The following ANAPC10 variants were observed in gnomAD, a reference collection of about 807,000 sequenced individuals.
ANAPC10 encodes anaphase-promoting complex subunit 10.
A neutral mutation model predicts 22.0 loss-of-function variants in ANAPC10; 12 were observed. That is an observed-to-expected ratio of 0.55 (90% CI 0.35 to 0.88). ANAPC10 has a LOEUF of 0.88. ANAPC10 is among the 40% of genes least tolerant of loss of function. The pLI is 0.01. For missense variants in ANAPC10, 188 were observed against 220.9 expected (o/e 0.85, Z 0.94); for synonymous variants, 65 against 69.5 (o/e 0.94, Z 0.32).
chr4:145,028,868 T>G (rs181176888), intron 4 of ANAPC10, among the ~76,000 whole-genome samples: 19 of 152,292 alleles, frequency 1.2e-4, no homozygotes, highest in Non-Finnish European at 2.5e-4. Context: ...AAGAAAATGA[T>G]GAACTCAGGG....
At chr4:145,052,047 C>T (rs1049820177) in intron 4 of ANAPC10, among the ~76,000 whole-genome samples, 21 of 152,114 alleles carry the variant, frequency 1.4e-4, no homozygotes, top group African/African-American at 4.8e-4. Flanking sequence ...CATTTATACA[C>T]GGAATCTAAA....
chr4:145,057,162 T>C (rs908892712), intron 4 of ANAPC10, among the ~76,000 whole-genome samples: 7 of 152,170 alleles, frequency 4.6e-5, no homozygotes. Flanking sequence ...TTGGCACAAA[T>C]ATTATAATAA....
chr4:145,096,080 G>A lies in ANAPC10; in HGVS notation c.20C>T (p.Thr7Ile). 1 of 1,614,130 alleles carries A rather than the reference G, an allele frequency of 6.2e-7. No individual in the cohort carries two copies. Among genetic ancestry groups the A allele is most frequent in the Non-Finnish European group, 8.5e-7 (1 of 1,180,000 alleles). Residue 7 changes from threonine to isoleucine, a missense_variant, in exon 2 of 5, where the codon ACA becomes ATA. Transcript: ENST00000507656. MTTPNK[T>I]PPGADPKQLE... ...CTGCTTGGGGTCAGCACCAGGAGGT[G>A]TCTTGTTTGGTGTAGTCATTTTTAA...
In ANAPC10 at chr4:145,029,805, T is replaced by G. The variant is rs571798646; in HGVS notation, c.328-34202A>C. Among the ~76,000 whole-genome samples the G allele has an allele frequency of 3.3e-5, 5 of 152,208 alleles. No individual in the cohort carries two copies. The East Asian group carries it at 9.7e-4, about 29-fold the overall frequency. On this transcript the variant is annotated intron_variant, in intron 4 of 4. Transcript: ENST00000507656. Reference sequence around the variant, plus strand: ...GGTAGTGGATTAGTCACTTTAGACCTACTCATCCCAGCTGGGAGGGTCCAG... The same window carrying G: ...GGTAGTGGATTAGTCACTTTAGACCGACTCATCCCAGCTGGGAGGGTCCAG...
At position 145,085,664 on chromosome 4, in the gene ANAPC10, T is replaced by C. The variant is rs181366280; in HGVS notation, c.116-3914A>G. Reference sequence around the variant, plus strand: ...CTAATTTATTGCTTAGAAAGTATCATAGTACAACTAAGCAGGTCTAATATC... The same window carrying C: ...CTAATTTATTGCTTAGAAAGTATCACAGTACAACTAAGCAGGTCTAATATC... On this transcript the variant is annotated intron_variant, in intron 2 of 4. Transcript: ENST00000507656. Among the ~76,000 whole-genome samples, 14 of 152,314 alleles carry C rather than the reference T, an allele frequency of 9.2e-5. No individual in the cohort carries two copies. The East Asian group carries it at 2.5e-3, about 27-fold the overall frequency.
chr4:145,076,628 T>G (rs1469308307), intron 3 of ANAPC10, among the ~76,000 whole-genome samples: 7 of 152,148 alleles, frequency 4.6e-5, no homozygotes, highest in Admixed American at 4.6e-4. Flanking sequence ...CATTTGGAAT[T>G]CAGAATTCAG....
chr4:145,046,737 C>T lies in ANAPC10; in HGVS notation c.327+17835G>A, dbSNP rs116688627. On this transcript the variant is annotated intron_variant, in intron 4 of 4. Transcript: ENST00000507656. The stretch of plus-strand genomic sequence containing the variant: ...CCAAATAACCTACATAGGTTGTTCT[C>T]TCTGTCCAGTTGCAACAGAGAAAAC... 3.3e-5 allele frequency among the ~76,000 whole-genome samples: 5 copies of T among 152,180 alleles called. No homozygotes were observed. In the South Asian group the frequency reaches 1.0e-3, roughly 32 times the overall value.
rs186432301 is a variant in ANAPC10 at position 144,998,994 on chromosome 4, G to A, written c.328-3391C>T. ...CAGAGAATACTATAAACACCTCTAC[G>A]CAAATAAACTAGAAAATCTACAAGA... is the stretch of plus-strand genomic sequence containing the variant. On this transcript the variant is annotated intron_variant, in intron 4 of 4. Transcript: ENST00000507656. 4.1e-4 allele frequency among the ~76,000 whole-genome samples: 63 copies of A among 152,038 alleles called. No individual in the cohort carries two copies. In the East Asian group the frequency reaches 8.7e-3, roughly 21 times the overall value.
At chr4:145,003,044 A>C (rs1732813468) in intron 4 of ANAPC10, among the ~76,000 whole-genome samples, 1 of 151,980 alleles carries the variant, frequency 6.6e-6, no homozygotes, top group Admixed American at 6.6e-5. Flanking sequence ...AGTCCCAGCC[A>C]CTATTGTTCC....
At chr4:145,011,273 G>T (rs1181040786) in intron 4 of ANAPC10, among the ~76,000 whole-genome samples, 1 of 151,434 alleles carries the variant, frequency 6.6e-6, no homozygotes, top group Non-Finnish European at 1.5e-5. Context: ...GGAGGCGGAG[G>T]TTGCAGTAAG....
chr4:145,049,219 G>A (rs1234493780), intron 4 of ANAPC10, among the ~76,000 whole-genome samples: 3 of 152,112 alleles, frequency 2.0e-5, no homozygotes, highest in Non-Finnish European at 2.9e-5. Flanking sequence ...TAATGATGAC[G>A]GCTACTGACA....
chr4:145,093,755 G>A (rs1403599197), intron 2 of ANAPC10, among the ~76,000 whole-genome samples: 1 of 151,864 alleles, frequency 6.6e-6, no homozygotes, highest in African/African-American at 2.4e-5. Flanking sequence ...CAGCAGATTT[G>A]AAGACAGGCC....
chr4:145,053,019 C>T (rs1741366776), intron 4 of ANAPC10, among the ~76,000 whole-genome samples: 1 of 151,958 alleles, frequency 6.6e-6, no homozygotes, highest in South Asian at 2.1e-4. Context: ...ATTATTTTAG[C>T]TAAGTGTGCC....
At chr4:145,032,371 G>A (rs1396963295) in intron 4 of ANAPC10, among the ~76,000 whole-genome samples, 26 of 152,224 alleles carry the variant, frequency 1.7e-4, no homozygotes, top group Non-Finnish European at 4.4e-5. Context: ...GGATCGGCTG[G>A]ATGGTCAGGG....
chr4:144,996,405 C>T (rs2056279), intron 4 of ANAPC10, among the ~76,000 whole-genome samples: 68,929 of 151,924 alleles, frequency 0.45, 15,853 homozygotes, highest in Middle Eastern at 0.5. Flanking sequence ...TCTAGAGACA[C>T]GGCTGCTGCT....
intron 1 of ANAPC10, chr4:145,097,226 A>G (rs554855090): frequency 1.6e-4 from 51 of 327,370 alleles, no homozygotes; most frequent in Admixed American, 5.1e-4. Flanking sequence ...TAAGAAAAAA[A>G]TGTTAAAAGT....
At chr4:145,059,385 C>T (rs1403275533) in intron 4 of ANAPC10, among the ~76,000 whole-genome samples, 1 of 152,086 alleles carries the variant, frequency 6.6e-6, no homozygotes, top group Non-Finnish European at 1.5e-5. Context: ...AACATTACAG[C>T]TCTCTCTAAC....
chr4:145,001,527 G>A (rs747606011), intron 4 of ANAPC10, among the ~76,000 whole-genome samples: 4 of 152,118 alleles, frequency 2.6e-5, no homozygotes, highest in African/African-American at 9.7e-5. Context: ...GAGTTTTGAC[G>A]ATGTATAGTT....
At chr4:144,996,331 G>C (rs1184750243) in intron 4 of ANAPC10, among the ~76,000 whole-genome samples, 1 of 152,154 alleles carries the variant, frequency 6.6e-6, no homozygotes, top group Non-Finnish European at 1.5e-5. Context: ...GAATCTCACA[G>C]GCATCCCACA....
Sources: gnomAD v4.1 joint callset for allele counts (sites outside exome capture counted in the v4.1 genomes callset) on GRCh38, gnomAD v4.1.1 for gene constraint, MANE v1.5 for transcripts, NCBI Gene and HGNC (gene_info 2026-07-23, HGNC 2026-07-21) for gene names.